Variants in SNAPC5 observed in about 807,000 individuals in gnomAD.
SNAPC5 encodes the protein small nuclear RNA activating complex polypeptide 5, also known as snRNA-activating protein complex subunit 5.
A neutral mutation model predicts 9.1 loss-of-function variants in SNAPC5; 12 were observed. The ratio of observed to expected loss-of-function variants is 1.32; its 90% CI spans 0.85 to 2.15. SNAPC5 has a LOEUF of 2.15. SNAPC5 is among the 30% of genes most tolerant of loss of function. SNAPC5 has a pLI of 0.00. For missense variants in SNAPC5, 132 were observed against 114.4 expected (o/e 1.15, Z -0.70); for synonymous variants, 52 against 47.3 (o/e 1.10, Z -0.41).
intron 1 of SNAPC5, among the ~76,000 whole-genome samples, chr15:66,496,304 A>T (rs1893431322): frequency 6.6e-6 from 1 of 151,862 alleles, no homozygotes; most frequent in Non-Finnish European, 1.5e-5. Flanking sequence ...CGTCTCTACT[A>T]AATACAAAAA....
downstream of SNAPC5, chr15:66,490,035 G>A (rs1006934651): frequency 2.4e-5 from 14 of 575,344 alleles, no homozygotes; most frequent in Non-Finnish European, 3.4e-5. Context: ...CCCCCTTCAT[G>A]GGGATGCGGC....
At chr15:66,497,393 C>G (rs1893472840) in intron 1 of SNAPC5, 1 of 595,700 alleles carries the variant, frequency 1.7e-6, no homozygotes. Flanking sequence ...ACTTGCCAAA[C>G]ACAGATCCCT....
At chr15:66,490,327 T>TG (rs1344982766), downstream of SNAPC5, 1 of 708,064 alleles carries the variant, frequency 1.4e-6, no homozygotes, top group South Asian at 1.4e-5. Context: ...CTGTGACTGG[T>TG]GGAGCAGGTC....
In SNAPC5 at chr15:66,494,335, C is replaced by T; in HGVS notation, c.*101G>A. On this transcript the variant is annotated 3_prime_UTR_variant, in exon 3 of 3. Coordinates refer to ENST00000316634, the MANE Select transcript of SNAPC5 (RefSeq NM_001329615.2). ...TTATAGTTCTTGCTTTCCTTTCAAG[C>T]AGATCACAGGGCCCAGGGCAAGATG... is the stretch of plus-strand genomic sequence containing the variant. The T allele has an allele frequency of 1.3e-6, 1 of 781,106 alleles. No homozygotes were observed. The highest frequency in any genetic ancestry group is 2.1e-6 in the Non-Finnish European group (1 of 469,722). The allele number at this position is 781,106 out of a possible 1,614,324, so 48.4% of individuals were successfully genotyped here.
At chr15:66,489,795 C>T, downstream of SNAPC5, 1 of 1,563,700 alleles carries the variant, frequency 6.4e-7, no homozygotes, top group Non-Finnish European at 8.8e-7. Context: ...TCTTACAGTA[C>T]CTGTTTATTC....
At position 66,493,924 on chromosome 15, in the gene SNAPC5, A is replaced by G. The variant is rs1379653429; in HGVS notation, c.*512T>C. The G allele has an allele frequency of 6.5e-6, 1 of 153,016 alleles. No homozygotes were observed. The highest frequency in any genetic ancestry group is 1.5e-5 in the Non-Finnish European group (1 of 68,642). The allele number at this position is 153,016 out of a possible 1,614,324, so 9.5% of individuals were successfully genotyped here. A position where few individuals can be genotyped will look rare whatever the true frequency, so the allele number is the denominator to read the frequency against. Reference sequence around the variant, plus strand: ...GCAGTTTATAGCATGCAATATTTCAATGCCTCTGAGAGGTAGAAACAGCTT... The same window carrying G: ...GCAGTTTATAGCATGCAATATTTCAGTGCCTCTGAGAGGTAGAAACAGCTT... On this transcript the variant is annotated 3_prime_UTR_variant, in exon 3 of 3. Coordinates refer to ENST00000316634, the MANE Select transcript of SNAPC5 (RefSeq NM_001329615.2).
In SNAPC5 at chr15:66,494,063, A is replaced by G. The variant is rs763067295; in HGVS notation, c.*373T>C. 1.6e-4 allele frequency: 32 copies of G among 200,604 alleles called. No individual in the cohort carries two copies. Among genetic ancestry groups the G allele is most frequent in the Admixed American group, 6.0e-4 (11 of 18,306 alleles). The allele number at this position is 200,604 out of a possible 1,614,324, so 12.4% of individuals were successfully genotyped here. On this transcript the variant is annotated 3_prime_UTR_variant, in exon 3 of 3. Coordinates refer to ENST00000316634, the MANE Select transcript of SNAPC5 (RefSeq NM_001329615.2). ...AAACAGTCTTTAATTGGTTTTCTTC[A>G]AAGAGGCATTGTTGACTGGAAAGAC... is the stretch of plus-strand genomic sequence containing the variant.
intron 1 of SNAPC5, among the ~76,000 whole-genome samples, chr15:66,495,799 A>G (rs993296507): frequency 1.3e-5 from 2 of 152,234 alleles, no homozygotes; most frequent in Non-Finnish European, 2.9e-5. Flanking sequence ...GGAAAGAAGA[A>G]TAGAAAACAG....
chr15:66,490,893 A>C (rs866878741), downstream of SNAPC5: 14 of 508,672 alleles, frequency 2.8e-5, no homozygotes, highest in Middle Eastern at 1.1e-3. Context: ...ATTACAGTGA[A>C]ATTTTGGTGA....
At chr15:66,491,017 C>CT, downstream of SNAPC5, 1 of 423,072 alleles carries the variant, frequency 2.4e-6, no homozygotes, top group Non-Finnish European at 4.4e-6. Context: ...GCTGGGCATA[C>CT]TTTCTCTCTA....
intron 1 of SNAPC5, among the ~76,000 whole-genome samples, chr15:66,496,188 G>A (rs749089712): frequency 1.3e-5 from 2 of 152,140 alleles, no homozygotes; most frequent in African/African-American, 4.8e-5. Flanking sequence ...AAAAAGGGCC[G>A]AGCCCAGTGG....
At chr15:66,495,252 A>C in intron 2 of SNAPC5, 78 bp downstream of exon 2, 1 of 884,686 alleles carries the variant, frequency 1.1e-6, no homozygotes, top group Non-Finnish European at 1.9e-6. Flanking sequence ...GATTTACAAC[A>C]GTTCTTCACC....
At chr15:66,492,242 G>T (rs1595890593), downstream of SNAPC5, 3 of 272,286 alleles carry the variant, frequency 1.1e-5, no homozygotes, top group East Asian at 3.5e-4. Context: ...TTCTTTGAAA[G>T]GGCAGGTTAC....
chr15:66,490,614 A>C (rs756208132), downstream of SNAPC5: 3 of 1,613,588 alleles, frequency 1.9e-6, no homozygotes, highest in African/African-American at 4.0e-5. Context: ...GCTGGCGTCT[A>C]AGTGTTTGGG....
chr15:66,491,095 G>A, downstream of SNAPC5: 1 of 347,710 alleles, frequency 2.9e-6, no homozygotes, highest in South Asian at 3.9e-5. Flanking sequence ...ATGAAAATGA[G>A]CATCAGAGAG....
intron 2 of SNAPC5, 58 bp downstream of exon 2, chr15:66,495,272 G>A: frequency 5.1e-6 from 5 of 987,814 alleles, no homozygotes; most frequent in Non-Finnish European, 8.2e-6. Flanking sequence ...CACCCAAGCA[G>A]CATGGGAGCA....
rs376514856 is a variant in SNAPC5, at chr15:66,495,383, T to C, written c.127A>G (p.Arg43Gly). Residue 43 changes from arginine (R) to glycine (G), a missense_variant, in exon 2 of 3, where the codon AGA becomes GGA. Transcript: ENST00000316634. ...GAAGACAGCATCTCATCCCCTCTTC[T>C]AGAACTGATCATTGATTGGAGGGCT... The part of the protein sequence containing the change: ...ELALQSMISS[R>G]RGDEMLSSHT... The C allele has an allele frequency of 2.1e-5, 33 of 1,608,268 alleles. No homozygotes were observed. In the Admixed American group the frequency reaches 5.3e-4, roughly 26 times the overall value.
chr15:66,494,379 A>G lies in SNAPC5; in HGVS notation c.*57T>C. ...CAAGATGATTTCCTTGAGGAGAAGT[A>G]GCCTGAGCCTTAGAAATGCAATTTG... On this transcript the variant is annotated 3_prime_UTR_variant, in exon 3 of 3. Transcript: ENST00000316634. The G allele has an allele frequency of 8.7e-7, 1 of 1,146,072 alleles. No homozygotes were observed. Among genetic ancestry groups the G allele is most frequent in the Non-Finnish European group, 1.3e-6 (1 of 767,430 alleles). 71.0% of individuals were successfully genotyped at this position (1,146,072 alleles called of 1,614,324 possible).
chr15:66,493,151 T>C (rs1408282316), downstream of SNAPC5, among the ~76,000 whole-genome samples: 2 of 152,222 alleles, frequency 1.3e-5, no homozygotes, highest in African/African-American at 4.8e-5. Context: ...TTGTTTTCTT[T>C]GGGAACTGTT....
Sources: gnomAD v4.1 joint callset for allele counts (sites outside exome capture counted in the v4.1 genomes callset) on GRCh38, gnomAD v4.1.1 for gene constraint, MANE v1.5 for transcripts, NCBI Gene and HGNC (gene_info 2026-07-23, HGNC 2026-07-21) for gene names.